CTNNA3: variants seen among roughly 807,000 people sequenced by gnomAD.
CTNNA3 encodes the protein catenin alpha 3.
Under a neutral mutation model 95.7 loss-of-function variants are expected in CTNNA3, and 76 were observed. The observed-to-expected ratio is 0.79, with a 90% CI of 0.66 to 0.96. CTNNA3 has a LOEUF of 0.96. CTNNA3 is among the 40% of genes least tolerant of loss of function. The pLI is 0.00. For synonymous variants in CTNNA3, 431 were observed against 374.4 expected (o/e 1.15, Z -1.74); for missense variants, 1,191 against 1,089.8 (o/e 1.09, Z -1.31).
chr10:65,924,508 C>T (rs774083827), intron 17 of CTNNA3, among the ~76,000 whole-genome samples: 32 of 152,156 alleles, frequency 2.1e-4, no homozygotes, highest in Non-Finnish European at 3.5e-4. Context: ...AGCTTCCAGA[C>T]CACAGATATT....
At chr10:67,420,159 A>G (rs1342864921) in intron 5 of CTNNA3, among the ~76,000 whole-genome samples, 2 of 152,204 alleles carry the variant, frequency 1.3e-5, no homozygotes, top group Admixed American at 6.5e-5. Flanking sequence ...ATAAGCTAAC[A>G]GCATTTTATT....
At chr10:66,091,045 T>A (rs557458465) in intron 14 of CTNNA3, among the ~76,000 whole-genome samples, 1 of 152,092 alleles carries the variant, frequency 6.6e-6, no homozygotes, top group East Asian at 1.9e-4. Context: ...CTTATTGTCT[T>A]TAGTAGGAAA....
At chr10:67,511,941 G>A (rs573878283) in intron 5 of CTNNA3, among the ~76,000 whole-genome samples, 6 of 152,142 alleles carry the variant, frequency 3.9e-5, no homozygotes, top group Admixed American at 3.3e-4. Flanking sequence ...TATGTGTCCC[G>A]GAATTTATCC....
intron 12 of CTNNA3, among the ~76,000 whole-genome samples, chr10:66,376,008 C>A (rs1459970549): frequency 6.6e-6 from 1 of 152,116 alleles, no homozygotes; most frequent in Non-Finnish European, 1.5e-5. Context: ...CATTTATGTA[C>A]CTGTTCTGTT....
At position 66,552,958 on chromosome 10, in the gene CTNNA3, CTGAG is replaced by C. The variant is rs574727904; in HGVS notation, c.1375-32189_1375-32186del. The stretch of plus-strand genomic sequence containing the variant: ...AGTTGATAAGTATTTTAAAAATATG[CTGAG>C]TGATTTTTTTGCACTAAAATCAATT... On this transcript the variant is annotated intron_variant, in intron 10 of 17. Transcript: ENST00000433211. 4.0e-3 allele frequency among the ~76,000 whole-genome samples: 610 copies of C among 151,902 alleles called. 2 individuals are homozygous for C. Among genetic ancestry groups the C allele is most frequent in the Non-Finnish European group, 6.0e-3 (406 of 67,970 alleles).
chr10:66,193,422 T>G (rs1159753478), intron 13 of CTNNA3, among the ~76,000 whole-genome samples: 1 of 152,090 alleles, frequency 6.6e-6, no homozygotes, highest in Non-Finnish European at 1.5e-5. Context: ...AGGCAAATAC[T>G]GAAAATTATG....
At chr10:67,471,489 G>C (rs1018561243) in intron 5 of CTNNA3, among the ~76,000 whole-genome samples, 1 of 152,052 alleles carries the variant, frequency 6.6e-6, no homozygotes, top group Non-Finnish European at 1.5e-5. Flanking sequence ...TTTACTTTAC[G>C]GATTCAGTAA....
At chr10:66,951,144 G>A (rs908610877) in intron 7 of CTNNA3, among the ~76,000 whole-genome samples, 3 of 150,024 alleles carry the variant, frequency 2.0e-5, no homozygotes, top group Non-Finnish European at 3.0e-5. Flanking sequence ...TTAAGACAGA[G>A]TCTTGCTCTG....
chr10:66,309,124 A>G (rs550534247), intron 12 of CTNNA3, among the ~76,000 whole-genome samples: 1 of 152,324 alleles, frequency 6.6e-6, no homozygotes, highest in South Asian at 2.1e-4. Context: ...CTAATGATCT[A>G]TTTTGTACAA....
chr10:67,085,427 T>C (rs747483597), intron 7 of CTNNA3, among the ~76,000 whole-genome samples: 3 of 151,576 alleles, frequency 2.0e-5, no homozygotes, highest in African/African-American at 4.8e-5. Context: ...GTAAAAAACA[T>C]AGGTAAGACA....
intron 7 of CTNNA3, among the ~76,000 whole-genome samples, chr10:67,128,351 G>A (rs1354701696): frequency 6.6e-6 from 1 of 151,970 alleles, no homozygotes; most frequent in Non-Finnish European, 1.5e-5. Flanking sequence ...TTCATAGAAA[G>A]CCCAATTCTA....
At chr10:67,066,855 C>G (rs999719177) in intron 7 of CTNNA3, among the ~76,000 whole-genome samples, 1 of 152,126 alleles carries the variant, frequency 6.6e-6, no homozygotes, top group African/African-American at 2.4e-5. Context: ...TATTAAAAAT[C>G]TGCCTTTAAT....
At chr10:67,289,759 A>ATGGATGG (rs1554818584) in intron 5 of CTNNA3, among the ~76,000 whole-genome samples, 137 of 145,954 alleles carry the variant, frequency 9.4e-4, no homozygotes, top group African/African-American at 2.1e-3. Flanking sequence ...AGGATGGATG[A>ATGGATGG]ATGGATGGAT....
chr10:65,985,496 G>C (rs886874511), intron 16 of CTNNA3, among the ~76,000 whole-genome samples: 2 of 151,250 alleles, frequency 1.3e-5, no homozygotes, highest in Non-Finnish European at 3.0e-5. Flanking sequence ...AAATGTTTAT[G>C]AACACCAGTC....
intron 6 of CTNNA3, among the ~76,000 whole-genome samples, chr10:67,181,820 A>G (rs984034319): frequency 3.3e-5 from 5 of 151,974 alleles, no homozygotes; most frequent in African/African-American, 1.2e-4. Context: ...ATAGAAAAAG[A>G]TATAGTTTTA....
chr10:67,520,290 C>G (rs1391019119), intron 5 of CTNNA3, among the ~76,000 whole-genome samples: 1 of 152,120 alleles, frequency 6.6e-6, no homozygotes, highest in Admixed American at 6.6e-5. Flanking sequence ...TCCTCAATGC[C>G]ATTCTCCCAG....
chr10:67,181,834 C>T (rs1778141926), intron 6 of CTNNA3, among the ~76,000 whole-genome samples: 2 of 151,536 alleles, frequency 1.3e-5, no homozygotes, highest in Admixed American at 1.3e-4. Flanking sequence ...AGTTTTAAAA[C>T]ATTTTTTTTA....
intron 10 of CTNNA3, among the ~76,000 whole-genome samples, chr10:66,566,512 C>T (rs559717913): frequency 2.6e-5 from 4 of 152,274 alleles, no homozygotes; most frequent in Admixed American, 6.5e-5. Flanking sequence ...CAAAATCAAA[C>T]GCAAAAGCAA....
chr10:67,523,571 T>C (rs1840048608), intron 4 of CTNNA3, among the ~76,000 whole-genome samples: 1 of 152,102 alleles, frequency 6.6e-6, no homozygotes, highest in African/African-American at 2.4e-5. Flanking sequence ...AAAGGTAACA[T>C]TGGTGAAAAC....
Sources: allele counts gnomAD v4.1 joint callset (sites outside exome capture counted in the v4.1 genomes callset), GRCh38; gene constraint gnomAD v4.1.1; transcripts MANE v1.5; gene names NCBI Gene and HGNC (gene_info 2026-07-23, HGNC 2026-07-21).